PLEKHA6: variants seen among roughly 807,000 people sequenced by gnomAD.
PLEKHA6 encodes pleckstrin homology domain-containing family A member 6.
In PLEKHA6, 60 loss-of-function variants were observed where a neutral mutation model predicts 116.7. That is an observed-to-expected ratio of 0.51 (90% CI 0.42 to 0.64). The LOEUF is 0.64. Ranked by LOEUF, PLEKHA6 falls within the 30% of genes least tolerant of loss-of-function variation. The pLI is 0.00. For synonymous variants in PLEKHA6, 489 were observed against 556.1 expected, an observed-to-expected ratio of 0.88 and a Z score of 1.70; for missense variants, 1,338 against 1,422.7, an observed-to-expected ratio of 0.94 and a Z score of 0.96.
At chr1:204,256,767 G>A in intron 9 of PLEKHA6, 1 of 565,804 alleles carries the variant, frequency 1.8e-6, no homozygotes, top group Non-Finnish European at 3.2e-6. Context: ...GGTGCGGGGA[G>A]GCCCTGAGAC....
intron 2 of PLEKHA6, 106 bp downstream of exon 2, chr1:204,274,622 CT>C: frequency 3.0e-6 from 3 of 985,798 alleles, no homozygotes; most frequent in Non-Finnish European, 3.6e-6. Flanking sequence ...AGCCCTTCTG[CT>C]TTCCTTCCCC....
chr1:204,372,739 C>T (rs1673799131), intron 1 of PLEKHA6, among the ~76,000 whole-genome samples: 1 of 151,948 alleles, frequency 6.6e-6, no homozygotes, highest in Non-Finnish European at 1.5e-5. Context: ...TTTGTAATTC[C>T]TCCTTCCCAC....
chr1:204,348,265 C>T (rs1357963777), intron 1 of PLEKHA6, among the ~76,000 whole-genome samples: 2 of 152,228 alleles, frequency 1.3e-5, no homozygotes, highest in Admixed American at 6.5e-5. Flanking sequence ...TGACCCTCTG[C>T]AACCTTCTCC....
intron 1 of PLEKHA6, among the ~76,000 whole-genome samples, chr1:204,330,156 T>C (rs1415279762): frequency 6.6e-6 from 1 of 152,230 alleles, no homozygotes; most frequent in Non-Finnish European, 1.5e-5. Flanking sequence ...TCCCTATCTT[T>C]ACACTTGATC....
intron 1 of PLEKHA6, among the ~76,000 whole-genome samples, chr1:204,318,250 C>T (rs1221855524): frequency 6.6e-6 from 1 of 152,142 alleles, no homozygotes; most frequent in Non-Finnish European, 1.5e-5. Context: ...AGTGGCTGGA[C>T]AGAGCGTGTA....
At chr1:204,262,965 TG>T (rs1035811577) in intron 6 of PLEKHA6, among the ~76,000 whole-genome samples, 20 of 145,520 alleles carry the variant, frequency 1.4e-4, no homozygotes, top group Admixed American at 1.2e-3. Flanking sequence ...GCAGGGCTCG[TG>T]GGTGTGTCCT....
intron 1 of PLEKHA6, among the ~76,000 whole-genome samples, chr1:204,323,601 C>T (rs1052962497): frequency 2.6e-5 from 4 of 152,206 alleles, no homozygotes; most frequent in African/African-American, 9.7e-5. Flanking sequence ...TTATAAACTG[C>T]TTGTGTAACT....
intron 17 of PLEKHA6, 99 bp downstream of exon 17, chr1:204,241,276 T>C (rs939622047): frequency 4.7e-5 from 35 of 744,710 alleles, no homozygotes; most frequent in Non-Finnish European, 7.2e-5. Context: ...TCTCCAGCCC[T>C]GAATTTCTTG....
intron 5 of PLEKHA6, among the ~76,000 whole-genome samples, chr1:204,266,551 C>G (rs1229260875): frequency 6.6e-6 from 1 of 152,188 alleles, no homozygotes; most frequent in Non-Finnish European, 1.5e-5. Flanking sequence ...TTGGGCTTTT[C>G]TCTGGGACTG....
chr1:204,290,819 G>A (rs142037905), intron 1 of PLEKHA6, among the ~76,000 whole-genome samples: 2,422 of 151,934 alleles, frequency 0.016, 56 homozygotes, highest in African/African-American at 0.055. Context: ...GTGAAATCCC[G>A]TCACTACTAA....
chr1:204,301,226 C>A, intron 1 of PLEKHA6: 1 of 984,350 alleles, frequency 1.0e-6, no homozygotes, highest in Non-Finnish European at 1.2e-6. Flanking sequence ...GGAGTTTCAG[C>A]AGAGTCACCA....
At chr1:204,334,623 A>G (rs1429576017) in intron 1 of PLEKHA6, among the ~76,000 whole-genome samples, 1 of 152,134 alleles carries the variant, frequency 6.6e-6, no homozygotes, top group African/African-American at 2.4e-5. Context: ...GACAGGGCGC[A>G]GTGGGTGGTT....
intron 1 of PLEKHA6, chr1:204,311,791 CT>C: frequency 2.0e-6 from 1 of 508,758 alleles, no homozygotes; most frequent in Non-Finnish European, 2.5e-6. Flanking sequence ...CATTTTATTT[CT>C]TTAGAGGAGG....
At chr1:204,229,791 A>G (rs1660904969) in intron 18 of PLEKHA6, among the ~76,000 whole-genome samples, 1 of 152,232 alleles carries the variant, frequency 6.6e-6, no homozygotes, top group African/African-American at 2.4e-5. Flanking sequence ...GACAGGACTT[A>G]TGAGTCATAA....
chr1:204,292,036 A>G (rs76865215), intron 1 of PLEKHA6, among the ~76,000 whole-genome samples: 3 of 152,144 alleles, frequency 2.0e-5, no homozygotes, highest in African/African-American at 7.2e-5. Context: ...ATGGTTTCCT[A>G]CTGACCTGCT....
At chr1:204,239,503 C>T (rs921314631) in intron 17 of PLEKHA6, among the ~76,000 whole-genome samples, 12 of 152,170 alleles carry the variant, frequency 7.9e-5, no homozygotes, top group African/African-American at 2.9e-4. Flanking sequence ...AATGCTTCTG[C>T]CAAGACAACC....
At chr1:204,290,421 G>T (rs1378472515) in intron 1 of PLEKHA6, among the ~76,000 whole-genome samples, 3 of 152,210 alleles carry the variant, frequency 2.0e-5, no homozygotes, top group African/African-American at 7.2e-5. Context: ...TAAAGTCAAT[G>T]CAAAGGAGAA....
Position 204,228,364 on chromosome 1 carries a change from T to A in PLEKHA6, c.2886-136A>T. ...CAGTCTCTGGTTCCCAGCAAGGCTG[T>A]CCCTAGGAGTGAGTGGGACCCTGGC... On this transcript the variant is annotated intron_variant, in intron 20 of 22. Transcript: ENST00000272203. The surrounding 1 kb of genome is among the most constrained non-coding windows in gnomAD (Gnocchi z 4.0). 1.2e-6 allele frequency: 1 copy of A among 841,060 alleles called. No homozygotes were observed. The highest frequency in any genetic ancestry group is 1.7e-5 in the South Asian group (1 of 57,990). 52.1% of individuals were successfully genotyped at this position (841,060 alleles called of 1,614,324 possible). A position where few individuals can be genotyped will look rare whatever the true frequency, so the allele number is the denominator to read the frequency against.
intron 1 of PLEKHA6, among the ~76,000 whole-genome samples, chr1:204,301,997 T>C (rs1231920118): frequency 2.0e-5 from 3 of 152,190 alleles, no homozygotes; most frequent in Non-Finnish European, 4.4e-5. Context: ...TTCAGCCACT[T>C]TTCCAACAGG....
Sources: gnomAD v4.1 joint callset for allele counts (sites outside exome capture counted in the v4.1 genomes callset) on GRCh38, gnomAD v4.1.1 for gene constraint, Gnocchi (gnomAD v3.1) non-coding constraint, MANE v1.5 for transcripts, NCBI Gene and HGNC (gene_info 2026-07-23, HGNC 2026-07-21) for gene names.